Variants in CA12 observed in about 807,000 individuals in gnomAD.
CA12 encodes the protein carbonate dehydratase XII.
A neutral mutation model predicts 46.8 loss-of-function variants in CA12; 36 were observed. The observed-to-expected ratio is 0.77, with a 90% confidence interval of 0.59 to 1.02. CA12 has a LOEUF of 1.02. Ranked by LOEUF, CA12 falls within the 50% of genes least tolerant of loss-of-function variation. The pLI is 0.00. For synonymous variants in CA12, 202 were observed against 187.0 expected (o/e 1.08, Z -0.65); for missense variants, 436 against 451.4 (o/e 0.97, Z 0.31).
At chr15:63,360,617 C>A (rs1238413952) in intron 2 of CA12, among the ~76,000 whole-genome samples, 5 of 152,212 alleles carry the variant, frequency 3.3e-5, no homozygotes, top group African/African-American at 1.2e-4. Flanking sequence ...CTGTTGCCTG[C>A]AATGGGATGC....
In CA12 at chr15:63,327,854, A is replaced by G. The variant is rs2038887897; in HGVS notation, c.907+244T>C. Among the ~76,000 whole-genome samples, 1 of 152,188 alleles carries G rather than the reference A, an allele frequency of 6.6e-6. No homozygotes were observed. On this transcript the variant is annotated intron_variant, in intron 9 of 10. Transcript: ENST00000178638. This position sits in a 1 kb window ranked among gnomAD's most constrained non-coding sequence, Gnocchi z 4.5. Reference sequence around the variant, plus strand: ...CAGCCTCCCACCATGACCAAAAGAAAGTCTTAGATAGGTTCTTTGAATACA... The same window carrying G: ...CAGCCTCCCACCATGACCAAAAGAAGGTCTTAGATAGGTTCTTTGAATACA...
At chr15:63,368,027 G>A (rs750995280) in intron 2 of CA12, among the ~76,000 whole-genome samples, 33 of 152,218 alleles carry the variant, frequency 2.2e-4, no homozygotes, top group Middle Eastern at 3.4e-3. Flanking sequence ...CATAATGGCC[G>A]TTATTTTTAT....
In CA12 at chr15:63,340,863, C is replaced by CA; in HGVS notation, c.526-81dup. 2.4e-6 allele frequency: 3 copies of CA among 1,251,582 alleles called. No homozygotes were observed. The highest frequency in any genetic ancestry group is 3.5e-6 in the Non-Finnish European group (3 of 853,236). The allele number at this position is 1,251,582 out of a possible 1,614,324, so 77.5% of individuals were successfully genotyped here. A position where few individuals can be genotyped will look rare whatever the true frequency, so the allele number is the denominator to read the frequency against. On this transcript the variant is annotated intron_variant, in intron 5 of 10. Transcript: ENST00000178638. The surrounding 1 kb of genome is among the most constrained non-coding windows in gnomAD (Gnocchi z 4.4). Reference sequence around the variant, plus strand: ...GGATTGACGATTGCTATCAGAAGGGCAAAGCTGTGGGTATGTTGCCACCAC... The same window carrying CA: ...GGATTGACGATTGCTATCAGAAGGGCAAAAGCTGTGGGTATGTTGCCACCAC...
In CA12 at chr15:63,345,634, G is replaced by C; in HGVS notation, c.287-15C>G. ...GTTCAGCTTCACTGCGGGGAGTGGA[G>C]GAGCAGCCTTCAGAGCCCCGGCCAG... On this transcript the variant is annotated splice_polypyrimidine_tract_variant and intron_variant, in intron 3 of 10. Coordinates refer to ENST00000178638, the MANE Select transcript of CA12 (RefSeq NM_001218.5). This position sits in a 1 kb window ranked among gnomAD's most constrained non-coding sequence, Gnocchi z 4.3. 2 of 1,609,724 alleles carry C rather than the reference G, an allele frequency of 1.2e-6. No individual in the cohort carries two copies. The highest frequency in any genetic ancestry group is 1.7e-4 in the Middle Eastern group (1 of 5,990).
rs2038835789 is a variant in CA12 at position 63,324,232 on chromosome 15, A to C, written c.*2053T>G. The C allele has an allele frequency of 6.6e-6, 1 of 152,266 alleles. No homozygotes were observed. The highest frequency in any genetic ancestry group is 1.5e-5 in the Non-Finnish European group (1 of 68,078). The allele number at this position is 152,266 out of a possible 1,614,324, so 9.4% of individuals were successfully genotyped here. On this transcript the variant is annotated 3_prime_UTR_variant, in exon 11 of 11. Coordinates refer to ENST00000178638, the MANE Select transcript of CA12 (RefSeq NM_001218.5). The stretch of plus-strand genomic sequence containing the variant: ...CTGTGCTGAGCAGCAAGAGGAGAGG[A>C]GAAATGCCACTGTCTTGCACCTCCC...
At chr15:63,358,794 T>G (rs768246832) in intron 2 of CA12, among the ~76,000 whole-genome samples, 1 of 152,108 alleles carries the variant, frequency 6.6e-6, no homozygotes, top group Non-Finnish European at 1.5e-5. Context: ...TTCAAAGAAC[T>G]GTGTGCATAC....
intron 2 of CA12, among the ~76,000 whole-genome samples, chr15:63,369,966 C>T (rs1299483331): frequency 5.9e-5 from 9 of 152,138 alleles, no homozygotes; most frequent in Non-Finnish European, 1.5e-5. Flanking sequence ...TACGCACAAA[C>T]CCCAATTCTG....
rs1011027753 is a variant in CA12 at position 63,331,040 on chromosome 15, T to C, written c.875-2910A>G. Among the ~76,000 whole-genome samples the C allele has an allele frequency of 2.0e-5, 3 of 152,216 alleles. No individual in the cohort carries two copies. The highest frequency in any genetic ancestry group is 7.2e-5 in the African/African-American group (3 of 41,456). On this transcript the variant is annotated intron_variant, in intron 8 of 10. Transcript: ENST00000178638. The surrounding 1 kb of genome is among the most constrained non-coding windows in gnomAD (Gnocchi z 5.3). ...GAATGCCGGCGAGGGTGTCACCCGA[T>C]AGTTCCACCACCTCAGGAAGCCCAG...
chr15:63,373,591 G>A lies in CA12; in HGVS notation c.106+2067C>T, dbSNP rs1436686541. On this transcript the variant is annotated intron_variant, in intron 2 of 10. Transcript: ENST00000178638. The surrounding 1 kb of genome is among the most constrained non-coding windows in gnomAD (Gnocchi z 4.9). ...TGGGTCAGTGATTCTCTGATAGAGTGCAGCTAAGAATCACTTGGGGAGTGC... is the reference window on the plus strand; with the variant it reads ...TGGGTCAGTGATTCTCTGATAGAGTACAGCTAAGAATCACTTGGGGAGTGC... Among the ~76,000 whole-genome samples, 1 of 152,198 alleles carries A rather than the reference G, an allele frequency of 6.6e-6. No individual in the cohort carries two copies. The highest frequency in any genetic ancestry group is 1.5e-5 in the Non-Finnish European group (1 of 68,032).
intron 2 of CA12, among the ~76,000 whole-genome samples, chr15:63,361,304 A>G (rs1465814858): frequency 6.6e-6 from 1 of 152,190 alleles, no homozygotes; most frequent in African/African-American, 2.4e-5. Context: ...TTTGCAAAGA[A>G]CACTGTTTTT....
chr15:63,334,613 A>G (rs1313529645), intron 8 of CA12, among the ~76,000 whole-genome samples: 1 of 152,078 alleles, frequency 6.6e-6, no homozygotes, highest in Non-Finnish European at 1.5e-5. Context: ...TCACTTTTCC[A>G]TAAAGAGTGG....
At chr15:63,335,702 A>G (rs913166754) in intron 8 of CA12, among the ~76,000 whole-genome samples, 1 of 151,924 alleles carries the variant, frequency 6.6e-6, no homozygotes, top group African/African-American at 2.4e-5. Flanking sequence ...GTTAACTTCC[A>G]GAGAAAGCCC....
intron 2 of CA12, among the ~76,000 whole-genome samples, chr15:63,362,595 G>A (rs2039377778): frequency 6.6e-6 from 1 of 152,146 alleles, no homozygotes; most frequent in Admixed American, 6.5e-5. Flanking sequence ...CCAAAGAGGG[G>A]ATCTGATAAA....
chr15:63,326,113 G>T lies in CA12; in HGVS notation c.*172C>A. 1.5e-6 allele frequency: 1 copy of T among 655,638 alleles called. No homozygotes were observed. 40.6% of individuals were successfully genotyped at this position (655,638 alleles called of 1,614,324 possible). A position where few individuals can be genotyped will look rare whatever the true frequency, so the allele number is the denominator to read the frequency against. ...CATCCATCGATCGGATGGCTCTGGGGTGGCCATGGTCCCAAGGCAAGGAGG... is the reference window on the plus strand; with the variant it reads ...CATCCATCGATCGGATGGCTCTGGGTTGGCCATGGTCCCAAGGCAAGGAGG... On this transcript the variant is annotated 3_prime_UTR_variant, in exon 11 of 11. Transcript: ENST00000178638.
chr15:63,322,505 A>T lies in CA12; in HGVS notation c.*3780T>A, dbSNP rs2038803413. 1 of 151,568 alleles carries T rather than the reference A, an allele frequency of 6.6e-6. No homozygotes were observed. The highest frequency in any genetic ancestry group is 2.4e-5 in the African/African-American group (1 of 41,196). The allele number at this position is 151,568 out of a possible 1,614,324, so 9.4% of individuals were successfully genotyped here. ...ATTTCTCTCGGCCTGTGTGCTCTAG[A>T]TGGTTGATTTGGCTGGATTGAGATG... On this transcript the variant is annotated 3_prime_UTR_variant, in exon 11 of 11. Transcript: ENST00000178638. The surrounding 1 kb of genome is among the most constrained non-coding windows in gnomAD (Gnocchi z 4.1).
chr15:63,376,200 A>G (rs28687175), intron 1 of CA12, among the ~76,000 whole-genome samples: 4,548 of 152,270 alleles, frequency 0.03, 224 homozygotes, highest in African/African-American at 0.1. Flanking sequence ...GTTCATGCAG[A>G]GGCTCATGGA....
intron 8 of CA12, 45 bp downstream of exon 8, chr15:63,338,774 C>T: frequency 6.2e-7 from 1 of 1,611,964 alleles, no homozygotes; most frequent in South Asian, 1.1e-5. Flanking sequence ...AATGTCTTGG[C>T]ACCACACTCC....
At chr15:63,358,950 C>A (rs1223463528) in intron 2 of CA12, among the ~76,000 whole-genome samples, 2 of 152,124 alleles carry the variant, frequency 1.3e-5, no homozygotes, top group African/African-American at 4.8e-5. Context: ...ATTTCTGAAC[C>A]CTCTGTTTCT....
chr15:63,358,891 C>T (rs553360125), intron 2 of CA12, among the ~76,000 whole-genome samples: 20 of 152,318 alleles, frequency 1.3e-4, no homozygotes, highest in East Asian at 3.9e-4. Context: ...CTTCGGCCCT[C>T]GCACTTCATG....
Sources: allele counts gnomAD v4.1 joint callset (sites outside exome capture counted in the v4.1 genomes callset), GRCh38; gene constraint gnomAD v4.1.1; non-coding constraint Gnocchi (gnomAD v3.1); transcripts MANE v1.5; gene names NCBI Gene and HGNC (gene_info 2026-07-23, HGNC 2026-07-21).